The following EZR variants were observed in gnomAD, a reference collection of about 807,000 sequenced individuals.
EZR encodes the protein cytovillin 2.
In EZR, 40 loss-of-function variants were observed where a neutral mutation model predicts 74.8. The ratio of observed to expected loss-of-function variants is 0.53; its 90% CI spans 0.42 to 0.70. The LOEUF (loss-of-function observed/expected upper bound fraction) is 0.70. EZR is among the 30% of genes least tolerant of loss of function. EZR has a pLI of 0.00. For missense variants in EZR, 678 were observed against 755.8 expected (o/e 0.90, Z 1.21); for synonymous variants, 341 against 283.3 (o/e 1.20, Z -2.05).
At position 158,766,881 on chromosome 6, in the gene EZR, A is replaced by G; in HGVS notation, c.*33T>C. The G allele has an allele frequency of 1.3e-6, 2 of 1,599,608 alleles. No individual in the cohort carries two copies. The highest frequency in any genetic ancestry group is 1.7e-6 in the Non-Finnish European group (2 of 1,169,620). ...GGCGGGGCTGGCAGCGCCCGCTATGAGCACCCCTCTGCCCTTGGTCCTGGC... is the reference window on the plus strand; with the variant it reads ...GGCGGGGCTGGCAGCGCCCGCTATGGGCACCCCTCTGCCCTTGGTCCTGGC... On this transcript the variant is annotated 3_prime_UTR_variant, in exon 14 of 14. Transcript: ENST00000367075.
intron 2 of EZR, among the ~76,000 whole-genome samples, chr6:158,811,271 A>G (rs1329044984): frequency 6.6e-6 from 1 of 152,204 alleles, no homozygotes; most frequent in African/African-American, 2.4e-5. Context: ...CTGAAATGAA[A>G]TAAGGGATAA....
At position 158,783,646 on chromosome 6, in the gene EZR, T is replaced by C. The variant is rs1341436950; in HGVS notation, c.572A>G (p.Tyr191Cys). 1.2e-5 allele frequency: 19 copies of C among 1,613,730 alleles called. No homozygotes were observed. The Admixed American group carries it at 3.2e-4, about 27-fold the overall frequency. Reference sequence around the variant, plus strand: ...TTCCAGGTCCTGAGCAATCTTCAGGTATTCCAACATAGCATTATCTCTAAT... The same window carrying C: ...TTCCAGGTCCTGAGCAATCTTCAGGCATTCCAACATAGCATTATCTCTAAT... ...GMLKDNAMLEYLKIAQDLEMY... is the reference protein window; with the variant it reads ...GMLKDNAMLECLKIAQDLEMY... The change falls in exon 7 of 14, where the codon TAC (tyrosine) becomes TGC (cysteine). Residue 191 changes from tyrosine (Y) to cysteine (C), a missense_variant. Physicochemically the swap from Tyr to Cys is radical, Grantham distance 194 (BLOSUM62 -2). This residue lies in a region of EZR where 119 missense variants were observed against 182.3 expected (regional missense o/e 0.65). Transcript: ENST00000367075.
At chr6:158,818,954 C>G (rs1419485533) in intron 1 of EZR, among the ~76,000 whole-genome samples, 4 of 152,082 alleles carry the variant, frequency 2.6e-5, no homozygotes, top group Non-Finnish European at 4.4e-5. Context: ...AAGCCGAGCA[C>G]TCGGCAAGTT....
chr6:158,767,408 G>A lies in EZR; in HGVS notation c.1449C>T (p.Tyr483=), dbSNP rs1350906502. ...CATCCTGCAAGCTCTCCTGGACATG[G>A]TAGCTCACCGGCTCGTACACGGGGG... ...PPPPVYEPVS[Y]HVQESLQDEG... The change falls in exon 13 of 14, where the codon TAC becomes TAT. Residue 483 remains tyrosine (Y), a synonymous_variant. Coordinates refer to ENST00000367075, the MANE Select transcript of EZR (RefSeq NM_001111077.2). 6.2e-7 allele frequency: 1 copy of A among 1,613,440 alleles called. No individual in the cohort carries two copies. Among genetic ancestry groups the A allele is most frequent in the Non-Finnish European group, 8.5e-7 (1 of 1,179,646 alleles).
At chr6:158,803,316 T>C (rs1009304545) in intron 2 of EZR, among the ~76,000 whole-genome samples, 2 of 151,572 alleles carry the variant, frequency 1.3e-5, no homozygotes, top group African/African-American at 4.9e-5. Flanking sequence ...GAGTACTCGA[T>C]ACGAGGTATA....
chr6:158,816,495 C>CT (rs751512178), intron 2 of EZR, among the ~76,000 whole-genome samples: 1 of 152,190 alleles, frequency 6.6e-6, no homozygotes, highest in Admixed American at 6.5e-5. Context: ...GAAGGGTAAT[C>CT]TTCTTGACCA....
At position 158,785,291 on chromosome 6, in the gene EZR, G is replaced by C; in HGVS notation, c.467+18C>G. On this transcript the variant is annotated intron_variant, in intron 5 of 13. Coordinates refer to ENST00000367075, the MANE Select transcript of EZR (RefSeq NM_001111077.2). ...CGGCATGACTGCTCCTGCCCAGGCCGGGTCATCCTGTGCTCACCTTTGAGG... is the reference window on the plus strand; with the variant it reads ...CGGCATGACTGCTCCTGCCCAGGCCCGGTCATCCTGTGCTCACCTTTGAGG... The C allele has an allele frequency of 6.2e-7, 1 of 1,610,184 alleles. No individual in the cohort carries two copies. Among genetic ancestry groups the C allele is most frequent in the South Asian group, 1.1e-5 (1 of 91,008 alleles).
rs548740223 is a variant in EZR at position 158,768,019 on chromosome 6, CAA to C, written c.1345-509_1345-508del. Among the ~76,000 whole-genome samples, 337 of 151,998 alleles carry C rather than the reference CAA, an allele frequency of 2.2e-3. 1 individual carries two copies. The highest frequency in any genetic ancestry group is 7.9e-3 in the African/African-American group (327 of 41,464). On this transcript the variant is annotated intron_variant, in intron 12 of 13. Transcript: ENST00000367075. Reference sequence around the variant, plus strand: ...GTACTTTCTCCAAAAACCTAAGAACCAAAGTCTTCCGCTTGCAACTTGGGATG... The same window carrying C: ...GTACTTTCTCCAAAAACCTAAGAACCAGTCTTCCGCTTGCAACTTGGGATG...
chr6:158,804,758 TTTTTC>T (rs921448057), intron 2 of EZR, among the ~76,000 whole-genome samples: 130 of 136,852 alleles, frequency 9.5e-4, no homozygotes, highest in African/African-American at 4.0e-3. Context: ...TTCCTTTCTT[TTTTTC>T]TTATTTTTTT....
At chr6:158,803,558 T>C (rs1329305367) in intron 2 of EZR, among the ~76,000 whole-genome samples, 1,468 of 6,268 alleles carry the variant, frequency 0.23, 224 homozygotes, top group African/African-American at 0.46. Flanking sequence ...TATATATATA[T>C]ATATATATAT....
chr6:158,776,490 A>G lies in EZR; in HGVS notation c.713T>C (p.Ile238Thr). The G allele has an allele frequency of 6.2e-7, 1 of 1,613,268 alleles. No homozygotes were observed. The highest frequency in any genetic ancestry group is 8.5e-7 in the Non-Finnish European group (1 of 1,179,628). ...YEKDDKLTPK[I>T]GFPWSEIRNI... ...CCTGATTTCACTCCAAGGAAAGCCA[A>G]TCTTTGGGGTTAACCTGAGGTTAAA... The change falls in exon 8 of 14, where the codon ATT becomes ACT. Residue 238 changes from isoleucine (I) to threonine (T), a missense_variant. Transcript: ENST00000367075.
chr6:158,769,487 G>A (rs1427941455), intron 11 of EZR, 69 bp from the exon 12 acceptor site: 6 of 1,464,754 alleles, frequency 4.1e-6, no homozygotes, highest in Non-Finnish European at 4.7e-6. Context: ...GTGAATGAGT[G>A]TTCATGTGTG....
intron 3 of EZR, among the ~76,000 whole-genome samples, chr6:158,788,832 A>T (rs1216698012): frequency 6.6e-6 from 1 of 152,210 alleles, no homozygotes; most frequent in Non-Finnish European, 1.5e-5. Flanking sequence ...ACGATCACTT[A>T]GAAATGAGAA....
At chr6:158,767,189 A>T in intron 13 of EZR, 72 bp downstream of exon 13, 1 of 1,581,226 alleles carries the variant, frequency 6.3e-7, no homozygotes. Flanking sequence ...GGCTCACATC[A>T]CTGCCCTCCC....
intron 2 of EZR, among the ~76,000 whole-genome samples, chr6:158,797,776 C>T (rs1050564465): frequency 2.0e-5 from 3 of 152,150 alleles, no homozygotes; most frequent in African/African-American, 7.2e-5. Flanking sequence ...AGAGACAAAA[C>T]TGTATATTTT....
At position 158,767,076 on chromosome 6, in the gene EZR, C is replaced by T. The variant is rs777647635; in HGVS notation, c.1599G>A (p.Thr533=). The T allele has an allele frequency of 1.7e-5, 28 of 1,614,002 alleles. No individual in the cohort carries two copies. The highest frequency in any genetic ancestry group is 1.3e-5 in the African/African-American group (1 of 74,922). ...KNERVQRQLL[T]LSSELSQARD... ...GGGCCTGGGACAGCTCGCTGCTCAGCGTCTGTAACATTAAGCAGCATTGGT... is the reference window on the plus strand; with the variant it reads ...GGGCCTGGGACAGCTCGCTGCTCAGTGTCTGTAACATTAAGCAGCATTGGT... Residue 533 remains threonine (T), a splice_region_variant and synonymous_variant, in exon 14 of 14, where the codon ACG becomes ACA. Coordinates refer to ENST00000367075, the MANE Select transcript of EZR (RefSeq NM_001111077.2).
intron 2 of EZR, among the ~76,000 whole-genome samples, chr6:158,812,452 G>A (rs1280206702): frequency 6.6e-6 from 1 of 152,038 alleles, no homozygotes; most frequent in Non-Finnish European, 1.5e-5. Flanking sequence ...GTTCTTCAAG[G>A]GACCCAGGAA....
intron 7 of EZR, among the ~76,000 whole-genome samples, chr6:158,779,686 C>T (rs555229679): frequency 1.4e-4 from 21 of 152,252 alleles, no homozygotes; most frequent in African/African-American, 4.8e-4. Context: ...ACCTCAGCCT[C>T]CCAAGTAGCT....
At chr6:158,780,182 C>CA (rs67002848) in intron 7 of EZR, among the ~76,000 whole-genome samples, 30,429 of 126,770 alleles carry the variant, frequency 0.24, 3,820 homozygotes, top group African/African-American at 0.39. Flanking sequence ...GATTCCATAT[C>CA]AAAAAAAAAA....
Sources: gnomAD v4.1 joint callset for allele counts (sites outside exome capture counted in the v4.1 genomes callset) on GRCh38, gnomAD v4.1.1 for gene constraint, gnomAD v4.1.1 regional missense constraint, MANE v1.5 for transcripts, NCBI Gene and HGNC (gene_info 2026-07-23, HGNC 2026-07-21) for gene names.